The following MAF variants were observed in gnomAD, a reference collection of about 807,000 sequenced individuals.
MAF encodes transcription factor Maf.
MAF carries 10 observed loss-of-function variants against 22.0 expected under a neutral mutation model. The observed-to-expected ratio is 0.45, with a 90% CI of 0.28 to 0.77. The LOEUF (loss-of-function observed/expected upper bound fraction) is 0.77. MAF is among the 30% of genes least tolerant of loss of function. The pLI, the probability that MAF is intolerant of heterozygous loss-of-function variation, is 0.12. For missense variants in MAF, 544 were observed against 548.4 expected (o/e 0.99, Z 0.08); for synonymous variants, 337 against 255.8 (o/e 1.32, Z -3.03).
the MAF span, among the ~76,000 whole-genome samples, chr16:79,224,302 A>G: frequency 6.6e-6 from 1 of 152,220 alleles, no homozygotes; most frequent in African/African-American, 2.4e-5. Context: ...CTTCAACAAA[A>G]TTCAACAACC....
the MAF span, among the ~76,000 whole-genome samples, chr16:79,488,385 A>T: frequency 6.6e-6 from 1 of 152,050 alleles, no homozygotes; most frequent in African/African-American, 2.4e-5. Flanking sequence ...CTGGGGCGAG[A>T]CTGCTTGGGA....
At chr16:79,540,986 G>A in the MAF span, among the ~76,000 whole-genome samples, 191 of 151,716 alleles carry the variant, frequency 1.3e-3, 1 homozygote, top group African/African-American at 4.1e-3. Context: ...ATTTACTACG[G>A]TTACTACAAC....
the MAF span, among the ~76,000 whole-genome samples, chr16:79,231,007 T>G: frequency 6.6e-6 from 1 of 152,090 alleles, no homozygotes; most frequent in East Asian, 1.9e-4. Context: ...GGTTCAAATA[T>G]CTATTTTAAA....
the MAF span, among the ~76,000 whole-genome samples, chr16:79,357,799 C>T: frequency 6.6e-6 from 1 of 152,158 alleles, no homozygotes; most frequent in Non-Finnish European, 1.5e-5. Flanking sequence ...ATCCCATTCT[C>T]CTCCCTGCCC....
chr16:79,458,445 A>C, the MAF span, among the ~76,000 whole-genome samples: 1 of 152,174 alleles, frequency 6.6e-6, no homozygotes, highest in African/African-American at 2.4e-5. Context: ...AGTCATTTTT[A>C]TATGTTTGAT....
the MAF span, chr16:79,212,733 G>A: frequency 6.6e-6 from 1 of 151,400 alleles, no homozygotes; most frequent in East Asian, 1.9e-4. Context: ...TCATTTTTTA[G>A]AAAAGAAATC....
chr16:79,597,798 G>A, intron 1 of MAF: 1 of 983,490 alleles, frequency 1.0e-6, no homozygotes, highest in Non-Finnish European at 1.2e-6. Context: ...CCAGCATGCA[G>A]GCTTTTTTTT....
At chr16:79,243,957 G>A in the MAF span, among the ~76,000 whole-genome samples, 2 of 151,832 alleles carry the variant, frequency 1.3e-5, no homozygotes, top group African/African-American at 2.4e-5. Context: ...CAAAACCAAT[G>A]AAAAAAACCA....
the MAF span, among the ~76,000 whole-genome samples, chr16:79,218,829 C>G: frequency 3.9e-5 from 6 of 152,106 alleles, no homozygotes; most frequent in African/African-American, 1.4e-4. Context: ...GATTATTGCA[C>G]CAGTGAAGAG....
the MAF span, among the ~76,000 whole-genome samples, chr16:79,412,615 G>C: frequency 6.6e-6 from 1 of 152,212 alleles, no homozygotes; most frequent in Non-Finnish European, 1.5e-5. Context: ...AGTTGTGGCA[G>C]TTGCGCCCAG....
At chr16:79,522,328 G>C in the MAF span, among the ~76,000 whole-genome samples, 1 of 152,192 alleles carries the variant, frequency 6.6e-6, no homozygotes, top group East Asian at 1.9e-4. Context: ...CAGTTCCTCA[G>C]TGACTCCATG....
At chr16:79,579,118 C>A in the MAF span, among the ~76,000 whole-genome samples, 1 of 152,134 alleles carries the variant, frequency 6.6e-6, no homozygotes, top group African/African-American at 2.4e-5. Flanking sequence ...GTCTTCCAAG[C>A]TAAGGAGCCC....
chr16:79,467,257 A>C, the MAF span, among the ~76,000 whole-genome samples: 2 of 152,100 alleles, frequency 1.3e-5, no homozygotes, highest in African/African-American at 2.4e-5. Context: ...CAGTTAAATA[A>C]AACACCCCTA....
the MAF span, among the ~76,000 whole-genome samples, chr16:79,408,699 C>T: frequency 1.3e-5 from 2 of 151,794 alleles, no homozygotes; most frequent in Non-Finnish European, 2.9e-5. Flanking sequence ...CCCCTCCATC[C>T]CTTTCTCTCT....
chr16:79,272,406 G>C, the MAF span, among the ~76,000 whole-genome samples: 1 of 152,212 alleles, frequency 6.6e-6, no homozygotes, highest in Non-Finnish European at 1.5e-5. Context: ...GCCTGCTCCT[G>C]GGCTGCCAGC....
the MAF span, among the ~76,000 whole-genome samples, chr16:79,243,112 T>C: frequency 6.6e-6 from 1 of 151,794 alleles, no homozygotes; most frequent in East Asian, 1.9e-4. Context: ...GGATCTAAAA[T>C]CGACACCCTA....
chr16:79,384,180 A>T, the MAF span, among the ~76,000 whole-genome samples: 11 of 152,292 alleles, frequency 7.2e-5, no homozygotes, highest in East Asian at 2.1e-3. Context: ...GTGGTGACTC[A>T]CGCTTGTAAT....
At chr16:79,415,163 C>T in the MAF span, among the ~76,000 whole-genome samples, 2 of 152,104 alleles carry the variant, frequency 1.3e-5, no homozygotes, top group African/African-American at 4.8e-5. Context: ...CTCACCCAAA[C>T]ATGGAGAGCT....
the MAF span, among the ~76,000 whole-genome samples, chr16:79,246,040 T>A: frequency 8.6e-5 from 13 of 151,300 alleles, no homozygotes; most frequent in South Asian, 2.7e-3. Context: ...GGGAACATCA[T>A]ATACCAGGGC....
Sources: gnomAD v4.1 joint callset for allele counts (sites outside exome capture counted in the v4.1 genomes callset) on GRCh38, gnomAD v4.1.1 for gene constraint, MANE v1.5 for transcripts, NCBI Gene and HGNC (gene_info 2026-07-23, HGNC 2026-07-21) for gene names.